The following PKIA variants were observed in gnomAD, a reference collection of about 807,000 sequenced individuals.
PKIA encodes the protein cAMP-dependent protein kinase inhibitor alpha.
Under a neutral mutation model 7.6 loss-of-function variants are expected in PKIA, and 4 were observed. The ratio of observed to expected loss-of-function variants is 0.52; its 90% CI spans 0.26 to 1.20. The LOEUF is 1.20. Ranked by LOEUF, PKIA falls within the 50% of genes most tolerant of loss-of-function variation. The pLI, the probability that PKIA is intolerant of heterozygous loss-of-function variation, is 0.13. For synonymous variants in PKIA, 21 were observed against 30.7 expected, an observed-to-expected ratio of 0.68 and a Z score of 1.04; for missense variants, 73 against 86.2, an observed-to-expected ratio of 0.85 and a Z score of 0.61.
chr8:78,534,211 C>T (rs767640882), intron 1 of PKIA: 10 of 152,044 alleles, frequency 6.6e-5, no homozygotes, highest in Non-Finnish European at 1.0e-4. Context: ...TTTTATTTCA[C>T]GTCTCCAAAA....
At chr8:78,576,581 GTAAATAAAATAAAATAAAAT>G (rs1807678082) in intron 2 of PKIA, among the ~76,000 whole-genome samples, 1 of 151,908 alleles carries the variant, frequency 6.6e-6, no homozygotes, top group South Asian at 2.1e-4. Context: ...AAAAATAGAT[GTAAATAAAATAAAATAAAAT>G]TAAATTAAAA....
At position 78,602,155 on chromosome 8, in the gene PKIA, A is replaced by G. The variant is rs778049793; in HGVS notation, c.*334A>G. Reference sequence around the variant, plus strand: ...TTCCTGTAGCATCTGGCCCCTCACAATGTCAGAGGATTTAATTGTGTCTAA... The same window carrying G: ...TTCCTGTAGCATCTGGCCCCTCACAGTGTCAGAGGATTTAATTGTGTCTAA... On this transcript the variant is annotated 3_prime_UTR_variant, in exon 4 of 4. Transcript: ENST00000396418. The G allele has an allele frequency of 3.5e-5, 8 of 231,698 alleles. No individual in the cohort carries two copies. The highest frequency in any genetic ancestry group is 2.7e-3 in the Middle Eastern group (2 of 736). 14.4% of individuals were successfully genotyped at this position (231,698 alleles called of 1,614,324 possible).
At chr8:78,539,207 A>C (rs1330837853) in intron 1 of PKIA, among the ~76,000 whole-genome samples, 1 of 152,104 alleles carries the variant, frequency 6.6e-6, no homozygotes, top group African/African-American at 2.4e-5. Context: ...ATCAAAGATA[A>C]AAGTGGTATG....
chr8:78,558,315 A>G (rs1431777433), intron 1 of PKIA: 2 of 152,142 alleles, frequency 1.3e-5, no homozygotes, highest in African/African-American at 2.4e-5. Flanking sequence ...CACTAATTCT[A>G]TACCTTTCAC....
chr8:78,558,767 C>G (rs1303185132), intron 1 of PKIA, among the ~76,000 whole-genome samples: 1 of 152,076 alleles, frequency 6.6e-6, no homozygotes, highest in East Asian at 1.9e-4. Flanking sequence ...AGTAAAAGAA[C>G]AGGTGTGTGA....
rs185220979 is a variant in PKIA, at chr8:78,578,216, T to C, written c.-28+5277T>C. Among the ~76,000 whole-genome samples, 18 of 152,176 alleles carry C rather than the reference T, an allele frequency of 1.2e-4. No individual in the cohort carries two copies. The East Asian group carries it at 3.5e-3, about 29-fold the overall frequency. ...TAAGTCATTTCATATGTAAACTTTA[T>C]TCTGATTCTAAAATTGTTATGATCG... On this transcript the variant is annotated intron_variant, in intron 2 of 3. Transcript: ENST00000396418.
chr8:78,543,176 A>T (rs1806738997), intron 1 of PKIA, among the ~76,000 whole-genome samples: 1 of 152,142 alleles, frequency 6.6e-6, no homozygotes. Flanking sequence ...ATATTTTAAG[A>T]TTTGCTTTTA....
At chr8:78,547,775 T>A (rs961575946) in intron 1 of PKIA, among the ~76,000 whole-genome samples, 1 of 152,180 alleles carries the variant, frequency 6.6e-6, no homozygotes, top group East Asian at 1.9e-4. Context: ...GTAGAAATTC[T>A]CCACCTTCAA....
intron 1 of PKIA, chr8:78,534,579 A>AG (rs1806472613): frequency 6.6e-6 from 1 of 152,124 alleles, no homozygotes; most frequent in Admixed American, 6.6e-5. Flanking sequence ...TACTGATCAC[A>AG]TATACTATTC....
chr8:78,539,304 A>G (rs915385077), intron 1 of PKIA, among the ~76,000 whole-genome samples: 1 of 152,118 alleles, frequency 6.6e-6, no homozygotes, highest in African/African-American at 2.4e-5. Context: ...TCTCGATGTA[A>G]GGAAGAAATC....
intron 1 of PKIA, among the ~76,000 whole-genome samples, chr8:78,567,227 T>C (rs1204493998): frequency 6.6e-6 from 1 of 152,178 alleles, no homozygotes; most frequent in African/African-American, 2.4e-5. Context: ...CAAATATTAA[T>C]ATATTATCAT....
chr8:78,552,396 T>A (rs886189751), intron 1 of PKIA, among the ~76,000 whole-genome samples: 6 of 151,294 alleles, frequency 4.0e-5, no homozygotes, highest in African/African-American at 7.3e-5. Context: ...TCTGGTGCAC[T>A]GTTGGCATTC....
intron 2 of PKIA, among the ~76,000 whole-genome samples, chr8:78,574,886 A>G (rs144791711): frequency 1.3e-5 from 2 of 152,070 alleles, no homozygotes; most frequent in Non-Finnish European, 2.9e-5. Context: ...CCAAAAGACT[A>G]GTATCACTTA....
chr8:78,567,686 G>A (rs953252119), intron 1 of PKIA, among the ~76,000 whole-genome samples: 9 of 152,110 alleles, frequency 5.9e-5, no homozygotes, highest in Admixed American at 1.3e-4. Context: ...GTTATACTCC[G>A]CCTTCTTTGG....
chr8:78,556,995 C>T lies in PKIA; in HGVS notation c.-156-15816C>T, dbSNP rs182421069. ...AAATCTTCCTACTAATTGACTCTCA[C>T]TATTTTGTTACTGCTGAAGCTTCCT... On this transcript the variant is annotated intron_variant, in intron 1 of 3. Transcript: ENST00000396418. 4.6e-5 allele frequency among the ~76,000 whole-genome samples: 7 copies of T among 152,160 alleles called. No homozygotes were observed. In the East Asian group the frequency reaches 1.4e-3, roughly 29 times the overall value.
At chr8:78,531,174 C>A (rs1806379362) in intron 1 of PKIA, among the ~76,000 whole-genome samples, 1 of 152,036 alleles carries the variant, frequency 6.6e-6, no homozygotes, top group Non-Finnish European at 1.5e-5. Context: ...CATTTTTCAT[C>A]ATTAATTTCA....
rs575359673 is a variant in PKIA at position 78,573,420 on chromosome 8, A to T, written c.-28+481A>T. Among the ~76,000 whole-genome samples the T allele has an allele frequency of 2.2e-4, 33 of 152,054 alleles. No homozygotes were observed. In the South Asian group the frequency reaches 6.6e-3, roughly 31 times the overall value. On this transcript the variant is annotated intron_variant, in intron 2 of 3. Transcript: ENST00000396418. ...TCTTGGTCTTGGGACAATCAAAGTGAGCACGTATAGGGAGTTGAAAGGGAG... is the reference window on the plus strand; with the variant it reads ...TCTTGGTCTTGGGACAATCAAAGTGTGCACGTATAGGGAGTTGAAAGGGAG...
At chr8:78,581,448 A>T (rs1365998269) in intron 2 of PKIA, among the ~76,000 whole-genome samples, 1 of 152,108 alleles carries the variant, frequency 6.6e-6, no homozygotes, top group African/African-American at 2.4e-5. Flanking sequence ...ATAACTTTAC[A>T]GTGGAGAAGA....
At chr8:78,549,957 A>G (rs901754201) in intron 1 of PKIA, among the ~76,000 whole-genome samples, 5 of 152,100 alleles carry the variant, frequency 3.3e-5, no homozygotes, top group Non-Finnish European at 5.9e-5. Flanking sequence ...CAATGAGTTT[A>G]TTTTAGTCAG....
Sources: allele counts gnomAD v4.1 joint callset (sites outside exome capture counted in the v4.1 genomes callset), GRCh38; gene constraint gnomAD v4.1.1; transcripts MANE v1.5; gene names NCBI Gene and HGNC (gene_info 2026-07-23, HGNC 2026-07-21).